Variants in SGCD observed in about 807,000 individuals in gnomAD.
SGCD encodes sarcoglycan delta, also known as delta-sarcoglycan.
In SGCD, 18 loss-of-function variants were observed where a neutral mutation model predicts 36.6. That is an observed-to-expected ratio of 0.49 (90% CI 0.34 to 0.73). SGCD has a LOEUF of 0.73. SGCD is among the 30% of genes least tolerant of loss of function. The pLI is 0.01. For synonymous variants in SGCD, 133 were observed against 130.6 expected, an observed-to-expected ratio of 1.02 and a Z score of -0.12; for missense variants, 387 against 346.7, an observed-to-expected ratio of 1.12 and a Z score of -0.92.
intron 1 of SGCD, among the ~76,000 whole-genome samples, chr5:155,966,600 C>T (rs577279983): frequency 2.7e-4 from 41 of 152,228 alleles, no homozygotes; most frequent in African/African-American, 9.1e-4. Flanking sequence ...GAATCTCTGG[C>T]TTTAACCTTT....
chr5:156,330,431 A>G lies in SGCD; in HGVS notation c.3+852A>G, dbSNP rs554632999. ...TTCATCTTCAGATCTCAGGTTTCCT[A>G]TCTGTAAGATGATCTGATACCTCTG... On this transcript the variant is annotated intron_variant, in intron 2 of 8. Transcript: ENST00000337851. Among the ~76,000 whole-genome samples the G allele has an allele frequency of 5.9e-5, 9 of 152,274 alleles. No homozygotes were observed. The East Asian group carries it at 1.5e-3, about 26-fold the overall frequency.
chr5:156,106,401 A>G (rs895567283), intron 1 of SGCD, among the ~76,000 whole-genome samples: 1 of 152,184 alleles, frequency 6.6e-6, no homozygotes, highest in Non-Finnish European at 1.5e-5. Context: ...GCAGAAAGGT[A>G]TAAAGCAGGA....
chr5:155,834,641 T>A, the SGCD span, among the ~76,000 whole-genome samples: 1 of 152,198 alleles, frequency 6.6e-6, no homozygotes, highest in South Asian at 2.1e-4. Context: ...GCTTGTGTCA[T>A]GTACGTTTGA....
intron 6 of SGCD, among the ~76,000 whole-genome samples, chr5:156,646,287 A>C (rs1763221542): frequency 6.6e-6 from 1 of 152,130 alleles, no homozygotes; most frequent in Admixed American, 6.6e-5. Flanking sequence ...GCCTGTCAGA[A>C]CCTATCTCCC....
chr5:156,331,760 T>C (rs1391491696), intron 2 of SGCD, among the ~76,000 whole-genome samples: 1 of 152,190 alleles, frequency 6.6e-6, no homozygotes, highest in Non-Finnish European at 1.5e-5. Context: ...TAAGCTCCTC[T>C]CTCCGAACGA....
At chr5:155,737,692 T>C in the SGCD span, among the ~76,000 whole-genome samples, 123,041 of 151,352 alleles carry the variant, frequency 0.81, 50,252 homozygotes, top group East Asian at 0.99. Context: ...CTCAGGCTCA[T>C]GACACCCACT....
intron 3 of SGCD, among the ~76,000 whole-genome samples, chr5:156,303,800 C>T (rs1767125426): frequency 6.6e-6 from 1 of 151,672 alleles, no homozygotes; most frequent in Admixed American, 6.6e-5. Flanking sequence ...ACTTGGTAAC[C>T]TCTTTTAAGG....
chr5:156,072,689 A>T (rs557206165), intron 1 of SGCD, among the ~76,000 whole-genome samples: 6 of 152,258 alleles, frequency 3.9e-5, no homozygotes, highest in East Asian at 1.9e-4. Context: ...CCTTGCTAGA[A>T]TGGGGAAGTT....
the SGCD span, among the ~76,000 whole-genome samples, chr5:155,795,259 T>C: frequency 1.3e-5 from 2 of 152,142 alleles, no homozygotes; most frequent in Non-Finnish European, 2.9e-5. Context: ...TAATTAAATA[T>C]TGACTGTACA....
chr5:156,618,592 C>CAAAAA (rs748789128), intron 6 of SGCD, among the ~76,000 whole-genome samples: 10 of 76,322 alleles, frequency 1.3e-4, no homozygotes, highest in East Asian at 3.5e-4. Context: ...TCATAATTCT[C>CAAAAA]AAAAAAAAAA....
the SGCD span, among the ~76,000 whole-genome samples, chr5:155,837,909 C>T: frequency 5.3e-5 from 8 of 151,938 alleles, no homozygotes; most frequent in Admixed American, 1.3e-4. Flanking sequence ...GCCTGCTGAG[C>T]GCCAAGTTTC....
the SGCD span, among the ~76,000 whole-genome samples, chr5:155,841,854 T>A: frequency 1.3e-5 from 2 of 152,230 alleles, no homozygotes; most frequent in East Asian, 3.9e-4. Context: ...TTCTGTCCCA[T>A]TCCCTCTCCC....
intron 3 of SGCD, among the ~76,000 whole-genome samples, chr5:156,470,750 A>T (rs926350831): frequency 1.3e-5 from 2 of 152,222 alleles, no homozygotes; most frequent in African/African-American, 2.4e-5. Context: ...AAAAGCAATC[A>T]TAATAAGGAC....
At chr5:155,867,918 G>T (rs1044092518), upstream of SGCD, among the ~76,000 whole-genome samples, 6 of 152,152 alleles carry the variant, frequency 3.9e-5, no homozygotes, top group Non-Finnish European at 7.3e-5. Context: ...AGTCAGTCCT[G>T]GATCCCCAGT....
At chr5:155,973,356 A>G (rs1432931443) in intron 1 of SGCD, among the ~76,000 whole-genome samples, 1 of 152,078 alleles carries the variant, frequency 6.6e-6, no homozygotes, top group East Asian at 1.9e-4. Context: ...TTCCCTTTGA[A>G]TTTAGCTCTA....
chr5:156,160,447 A>T (rs1469008618), intron 3 of SGCD, among the ~76,000 whole-genome samples: 1 of 151,662 alleles, frequency 6.6e-6, no homozygotes, highest in African/African-American at 2.4e-5. Context: ...TTATTTAAAA[A>T]TATTCTTTAT....
At chr5:155,825,008 T>C in the SGCD span, among the ~76,000 whole-genome samples, 3 of 152,206 alleles carry the variant, frequency 2.0e-5, no homozygotes, top group African/African-American at 7.2e-5. Flanking sequence ...AGGCAGTCTC[T>C]TCCTTCATTT....
At chr5:156,458,625 A>C in intron 3 of SGCD, 1 of 652,028 alleles carries the variant, frequency 1.5e-6, no homozygotes, top group Non-Finnish European at 2.7e-6. Context: ...AAATGAAAAA[A>C]ATACAATATT....
intron 4 of SGCD, among the ~76,000 whole-genome samples, chr5:156,544,611 C>T (rs1423442097): frequency 6.7e-6 from 1 of 148,232 alleles, no homozygotes; most frequent in Admixed American, 6.7e-5. Context: ...TTTTAGAAGG[C>T]CAATTAAAAA....
Sources: allele counts gnomAD v4.1 joint callset (sites outside exome capture counted in the v4.1 genomes callset), GRCh38; gene constraint gnomAD v4.1.1; transcripts MANE v1.5; gene names NCBI Gene and HGNC (gene_info 2026-07-23, HGNC 2026-07-21).